The following SRGAP1 variants were observed in gnomAD, a reference collection of about 807,000 sequenced individuals.
SRGAP1 encodes SLIT-ROBO Rho GTPase-activating protein 1.
SRGAP1 carries 43 observed loss-of-function variants against 121.9 expected under a neutral mutation model. The observed-to-expected ratio is 0.35, with a 90% CI of 0.28 to 0.46. The LOEUF is 0.46. Ranked by LOEUF, SRGAP1 falls within the 20% of genes least tolerant of loss-of-function variation. The pLI, the probability that SRGAP1 is intolerant of heterozygous loss-of-function variation, is 1.00. For missense variants in SRGAP1, 1,102 were observed against 1,350.9 expected (o/e 0.82, Z 2.89); for synonymous variants, 447 against 485.4 (o/e 0.92, Z 1.04).
chr12:63,973,062 T>G (rs917482756), intron 1 of SRGAP1, among the ~76,000 whole-genome samples: 2 of 152,190 alleles, frequency 1.3e-5, no homozygotes, highest in Middle Eastern at 3.4e-3. Context: ...CAGGGAGAAT[T>G]GCTTGAACCC....
rs896054953 is a variant in SRGAP1 at position 64,150,975 on chromosome 12, G to C, written c.*8303G>C. On this transcript the variant is annotated 3_prime_UTR_variant, in exon 22 of 22. Coordinates refer to ENST00000355086, the MANE Select transcript of SRGAP1 (RefSeq NM_020762.4). The stretch of plus-strand genomic sequence containing the variant: ...AAAAAAAAAAACATGGTCAAGATTT[G>C]TAATAGAAATTGCCATTTGAATTTT... 1 of 86,008 alleles carries C rather than the reference G, an allele frequency of 1.2e-5. No individual in the cohort carries two copies. The highest frequency in any genetic ancestry group is 2.7e-5 in the Non-Finnish European group (1 of 36,832). 5.3% of individuals were successfully genotyped at this position (86,008 alleles called of 1,614,324 possible).
intron 7 of SRGAP1, among the ~76,000 whole-genome samples, chr12:64,063,970 T>C (rs1335160809): frequency 1.3e-5 from 2 of 151,892 alleles, no homozygotes; most frequent in African/African-American, 4.8e-5. Context: ...ACATATAATG[T>C]ACCTGCTGTA....
intron 3 of SRGAP1, among the ~76,000 whole-genome samples, chr12:64,015,376 A>T (rs1445360469): frequency 6.6e-6 from 1 of 152,126 alleles, no homozygotes; most frequent in Non-Finnish European, 1.5e-5. Context: ...CTCTTGAGTG[A>T]TTTGTAACCC....
Position 64,100,211 on chromosome 12 carries a change from T to C in SRGAP1, c.1813+2836T>C, listed in dbSNP as rs555965662. On this transcript the variant is annotated intron_variant, in intron 15 of 21. Transcript: ENST00000355086. ...TATGCCAATACCTGGGTTGGCCACT[T>C]ATCAATCTGTCTGTTCTGCTAAGTA... Among the ~76,000 whole-genome samples, 73 of 152,350 alleles carry C rather than the reference T, an allele frequency of 4.8e-4. 1 individual carries two copies. The highest frequency in any genetic ancestry group is 1.5e-3 in the South Asian group (7 of 4,826).
At chr12:63,908,274 C>T (rs1055766373) in intron 1 of SRGAP1, among the ~76,000 whole-genome samples, 1 of 151,998 alleles carries the variant, frequency 6.6e-6, no homozygotes, top group Non-Finnish European at 1.5e-5. Flanking sequence ...ATAGGGATTG[C>T]GTTGAATCTA....
At chr12:64,070,284 C>G (rs1053288583) in intron 8 of SRGAP1, among the ~76,000 whole-genome samples, 8 of 152,144 alleles carry the variant, frequency 5.3e-5, no homozygotes, top group Admixed American at 2.6e-4. Flanking sequence ...TCAAGTTTCT[C>G]ATCCCTCCCT....
intron 1 of SRGAP1, among the ~76,000 whole-genome samples, chr12:63,895,945 C>CT (rs1900741415): frequency 6.6e-6 from 1 of 152,148 alleles, no homozygotes; most frequent in African/African-American, 2.4e-5. Flanking sequence ...AAAACATTGC[C>CT]TTCTGCCAAA....
intron 9 of SRGAP1, 149 bp downstream of exon 9, chr12:64,079,265 G>A (rs1437382520): frequency 3.3e-5 from 28 of 860,010 alleles, no homozygotes; most frequent in African/African-American, 1.5e-4. Flanking sequence ...AGTCAGTTTC[G>A]GAAAGAGTTT....
intron 21 of SRGAP1, among the ~76,000 whole-genome samples, chr12:64,140,156 A>C (rs1213544607): frequency 1.4e-5 from 2 of 138,800 alleles, no homozygotes; most frequent in South Asian, 2.4e-4. Context: ...CTTGTAGTAT[A>C]GTTTGAAGTC....
chr12:64,040,574 G>A (rs1309653599), intron 4 of SRGAP1, among the ~76,000 whole-genome samples: 4 of 152,044 alleles, frequency 2.6e-5, no homozygotes, highest in African/African-American at 7.3e-5. Flanking sequence ...ACAGGTTTTC[G>A]AATTCACCCG....
chr12:64,057,904 G>C (rs1156345711), intron 6 of SRGAP1, among the ~76,000 whole-genome samples: 1 of 152,146 alleles, frequency 6.6e-6, no homozygotes, highest in Non-Finnish European at 1.5e-5. Context: ...GTGCAACCCT[G>C]GTGAACGACT....
At chr12:64,004,011 C>T (rs1271812168) in intron 3 of SRGAP1, among the ~76,000 whole-genome samples, 1 of 152,222 alleles carries the variant, frequency 6.6e-6, no homozygotes, top group African/African-American at 2.4e-5. Flanking sequence ...CTGTGAGACT[C>T]TCAACCCTCT....
intron 6 of SRGAP1, among the ~76,000 whole-genome samples, chr12:64,047,453 T>C (rs2035153204): frequency 6.6e-6 from 1 of 152,162 alleles, no homozygotes; most frequent in African/African-American, 2.4e-5. Context: ...GTACATCTTA[T>C]ACTGAGCTAT....
intron 1 of SRGAP1, among the ~76,000 whole-genome samples, chr12:63,965,723 T>G (rs1385938086): frequency 6.6e-6 from 1 of 152,244 alleles, no homozygotes; most frequent in East Asian, 1.9e-4. Context: ...AACATATGTG[T>G]TCTCTGAATG....
intron 8 of SRGAP1, among the ~76,000 whole-genome samples, chr12:64,075,301 G>T (rs946870298): frequency 6.6e-6 from 1 of 152,234 alleles, no homozygotes; most frequent in Non-Finnish European, 1.5e-5. Context: ...ATGTCCTTAA[G>T]GCACAGATCG....
chr12:64,055,476 C>T (rs2136525398), intron 6 of SRGAP1, among the ~76,000 whole-genome samples: 1 of 151,854 alleles, frequency 6.6e-6, no homozygotes, highest in Middle Eastern at 3.4e-3. Flanking sequence ...CTACCAATGC[C>T]TTTCTTCACA....
intron 1 of SRGAP1, among the ~76,000 whole-genome samples, chr12:63,918,017 C>T (rs1209948208): frequency 6.6e-6 from 1 of 152,216 alleles, no homozygotes; most frequent in African/African-American, 2.4e-5. Context: ...TTCCCTAGCA[C>T]ATGGCCTTAG....
In SRGAP1 at chr12:64,092,489, CATACATACATACATAT is replaced by C. The variant is rs1271330946; in HGVS notation, c.1539+1112_1539+1127del. 9.7e-4 allele frequency among the ~76,000 whole-genome samples: 147 copies of C among 151,896 alleles called. 1 individual carries two copies. The highest frequency in any genetic ancestry group is 5.2e-3 in the East Asian group (27 of 5,180). Reference sequence around the variant, plus strand: ...ACATATATACATACATACATACATACATACATACATACATATGTACATAGATTAAAAACCTCTGGCA... The same window carrying C: ...ACATATATACATACATACATACATACGTACATAGATTAAAAACCTCTGGCA... On this transcript the variant is annotated intron_variant, in intron 12 of 21. Transcript: ENST00000355086.
At position 64,097,222 on chromosome 12, in the gene SRGAP1, G is replaced by C; in HGVS notation, c.1679-19G>C. The C allele has an allele frequency of 6.9e-7, 1 of 1,459,424 alleles. No homozygotes were observed. The highest frequency in any genetic ancestry group is 1.3e-5 in the South Asian group (1 of 76,040). The allele number at this position is 1,459,424 out of a possible 1,614,324, so 90.4% of individuals were successfully genotyped here. A position where few individuals can be genotyped will look rare whatever the true frequency, so the allele number is the denominator to read the frequency against. On this transcript the variant is annotated intron_variant, in intron 14 of 21. Transcript: ENST00000355086. ...AAAAGAAGCACTGTTAATGTAATGA[G>C]TTTTTTTTTTTTTTTTAGGTGAAAA...
Sources: gnomAD v4.1 joint callset for allele counts (sites outside exome capture counted in the v4.1 genomes callset) on GRCh38, gnomAD v4.1.1 for gene constraint, MANE v1.5 for transcripts, NCBI Gene and HGNC (gene_info 2026-07-23, HGNC 2026-07-21) for gene names.